Variants in EPS15 observed in about 807,000 individuals in gnomAD.
EPS15 encodes the protein epidermal growth factor receptor pathway substrate 15.
A neutral mutation model predicts 113.8 loss-of-function variants in EPS15; 72 were observed. The ratio of observed to expected loss-of-function variants is 0.63; its 90% CI spans 0.52 to 0.77. The LOEUF (loss-of-function observed/expected upper bound fraction) is 0.77. EPS15 is among the 30% of genes least tolerant of loss of function. The pLI, the probability that EPS15 is intolerant of heterozygous loss-of-function variation, is 0.00. For missense variants in EPS15, 1,048 were observed against 1,045.8 expected (o/e 1.00, Z -0.03); for synonymous variants, 344 against 363.4 (o/e 0.95, Z 0.61).
chr1:51,378,733 G>A lies in EPS15; in HGVS notation c.2120-12704C>T, dbSNP rs576825444. 2.5e-4 allele frequency among the ~76,000 whole-genome samples: 38 copies of A among 152,212 alleles called. 1 individual carries two copies. Among genetic ancestry groups the A allele is most frequent in the African/African-American group, 8.2e-4 (34 of 41,528 alleles). ...AAGTTCAAAGACACTTTAAAAATAC[G>A]TAACTAAAATTTGCCAACTTCCTGA... On this transcript the variant is annotated intron_variant, in intron 21 of 24. Coordinates refer to ENST00000371733, the MANE Select transcript of EPS15 (RefSeq NM_001981.3).
chr1:51,378,830 C>T (rs1030006190), intron 21 of EPS15, among the ~76,000 whole-genome samples: 1 of 152,044 alleles, frequency 6.6e-6, no homozygotes, highest in Non-Finnish European at 1.5e-5. Flanking sequence ...AAGGTTTCTT[C>T]CAGCTCTAAG....
At chr1:51,433,128 G>A (rs1183009874) in intron 12 of EPS15, among the ~76,000 whole-genome samples, 2 of 152,208 alleles carry the variant, frequency 1.3e-5, no homozygotes, top group Non-Finnish European at 2.9e-5. Flanking sequence ...GAATATGACT[G>A]AAGTAGAGGT....
chr1:51,394,227 T>C (rs998408632), intron 21 of EPS15, 154 bp downstream of exon 21: 4 of 507,246 alleles, frequency 7.9e-6, no homozygotes, highest in Non-Finnish European at 1.4e-5. Flanking sequence ...GAAAGTGATA[T>C]ACAAATGCTT....
rs1486008338 is a variant in EPS15, at chr1:51,475,832, TAATCCATCTTG to T, written c.76-2895_76-2885del. Among the ~76,000 whole-genome samples the T allele has an allele frequency of 5.9e-5, 9 of 152,318 alleles. No homozygotes were observed. In the South Asian group the frequency reaches 1.4e-3, roughly 25 times the overall value. On this transcript the variant is annotated intron_variant, in intron 2 of 24. Coordinates refer to ENST00000371733, the MANE Select transcript of EPS15 (RefSeq NM_001981.3). ...GTTTTAGGTCTAACATTTAAGTCTT[TAATCCATCTTG>T]AAATAATTTTTGTAGAAGGTGTAAG...
At chr1:51,487,012 C>A (rs1644136354) in intron 1 of EPS15, among the ~76,000 whole-genome samples, 2 of 152,092 alleles carry the variant, frequency 1.3e-5, no homozygotes, top group African/African-American at 4.8e-5. Context: ...AGAATATTCT[C>A]CATCTAGCAA....
At chr1:51,427,801 G>A (rs973401450) in intron 12 of EPS15, among the ~76,000 whole-genome samples, 2 of 152,188 alleles carry the variant, frequency 1.3e-5, no homozygotes, top group African/African-American at 4.8e-5. Flanking sequence ...AGAAAGCACA[G>A]AAGATGTTGG....
At chr1:51,357,391 AATATATATATATAT>A (rs869072153) in intron 24 of EPS15, among the ~76,000 whole-genome samples, 2 of 65,732 alleles carry the variant, frequency 3.0e-5, no homozygotes, top group Non-Finnish European at 5.2e-5. Flanking sequence ...AAAAAAAAAA[AATATATATATATAT>A]ATATATATAT....
rs575356120 is a variant in EPS15, at chr1:51,418,685, G to A, written c.1113+3101C>T. 5.3e-5 allele frequency among the ~76,000 whole-genome samples: 8 copies of A among 152,236 alleles called. No individual in the cohort carries two copies. In the South Asian group the frequency reaches 1.7e-3, roughly 32 times the overall value. ...GATAATAAAGAGATGATTGTAGGGT[G>A]CGGAATAATACAGCTAGTAAGAACA... is the stretch of plus-strand genomic sequence containing the variant. On this transcript the variant is annotated intron_variant, in intron 13 of 24. Coordinates refer to ENST00000371733, the MANE Select transcript of EPS15 (RefSeq NM_001981.3).
chr1:51,377,617 G>A (rs978661485), intron 21 of EPS15, among the ~76,000 whole-genome samples: 4 of 152,238 alleles, frequency 2.6e-5, no homozygotes, highest in Middle Eastern at 3.4e-3. Context: ...AATTTAGTTC[G>A]TGAAGCAGTG....
intron 14 of EPS15, 106 bp from the exon 15 acceptor site, chr1:51,408,438 T>G (rs1216656697): frequency 5.1e-6 from 4 of 790,346 alleles, no homozygotes; most frequent in South Asian, 1.7e-5. Context: ...TATTTTGGTG[T>G]TTTTTTTGAC....
chr1:51,400,397 A>G (rs998622899), intron 19 of EPS15, among the ~76,000 whole-genome samples: 8 of 152,186 alleles, frequency 5.3e-5, no homozygotes, highest in Non-Finnish European at 7.4e-5. Flanking sequence ...GTCATTTTTA[A>G]AAAAGTAAAG....
At chr1:51,376,687 C>T (rs1161844027) in intron 21 of EPS15, among the ~76,000 whole-genome samples, 4 of 151,836 alleles carry the variant, frequency 2.6e-5, no homozygotes, top group Non-Finnish European at 5.9e-5. Flanking sequence ...ACAAAAAAAC[C>T]CAAAAATCTG....
At chr1:51,471,805 T>C (rs1376555745) in intron 3 of EPS15, 68 bp from the exon 4 acceptor site, 3 of 1,140,700 alleles carry the variant, frequency 2.6e-6, no homozygotes, top group Non-Finnish European at 4.0e-6. Flanking sequence ...ATAAATTAAA[T>C]CTCTGCTATT....
At chr1:51,489,143 A>AG (rs989864331) in intron 1 of EPS15, among the ~76,000 whole-genome samples, 7 of 151,420 alleles carry the variant, frequency 4.6e-5, no homozygotes, top group African/African-American at 1.7e-4. Context: ...ACTAATGTAA[A>AG]AAAAAAAAAC....
At chr1:51,391,497 A>T (rs1431345565) in intron 21 of EPS15, among the ~76,000 whole-genome samples, 1 of 151,904 alleles carries the variant, frequency 6.6e-6, no homozygotes, top group Non-Finnish European at 1.5e-5. Context: ...ATAAAATAAA[A>T]GATTTGTCAG....
intron 24 of EPS15, among the ~76,000 whole-genome samples, chr1:51,360,609 T>G (rs1313612683): frequency 2.6e-5 from 4 of 152,174 alleles, no homozygotes; most frequent in African/African-American, 7.2e-5. Flanking sequence ...TGACAACCAT[T>G]TATTTATTTA....
intron 13 of EPS15, among the ~76,000 whole-genome samples, chr1:51,414,814 GT>G (rs1427006186): frequency 6.6e-6 from 1 of 152,122 alleles, no homozygotes; most frequent in East Asian, 1.9e-4. Flanking sequence ...ATGATACTAA[GT>G]TTTAAAAGCT....
intron 21 of EPS15, among the ~76,000 whole-genome samples, chr1:51,387,659 G>T (rs890056813): frequency 2.0e-5 from 3 of 152,044 alleles, no homozygotes; most frequent in Admixed American, 1.3e-4. Context: ...AAAAAGGCAG[G>T]GGTTGCAATC....
At chr1:51,406,675 T>C (rs989912012) in intron 15 of EPS15, among the ~76,000 whole-genome samples, 1 of 152,152 alleles carries the variant, frequency 6.6e-6, no homozygotes, top group African/African-American at 2.4e-5. Context: ...CTTTAAAGAA[T>C]ACCCATTCAT....
Sources: gnomAD v4.1 joint callset for allele counts (sites outside exome capture counted in the v4.1 genomes callset) on GRCh38, gnomAD v4.1.1 for gene constraint, MANE v1.5 for transcripts, NCBI Gene and HGNC (gene_info 2026-07-23, HGNC 2026-07-21) for gene names.